The following DNAJC5G variants were observed in gnomAD, a reference collection of about 807,000 sequenced individuals.
The protein encoded by DNAJC5G is dnaJ homolog subfamily C member 5G.
In DNAJC5G, 13 loss-of-function variants were observed where a neutral mutation model predicts 19.1. The observed-to-expected ratio is 0.68, with a 90% CI of 0.44 to 1.08. The LOEUF (loss-of-function observed/expected upper bound fraction) is 1.08. Among genes scored for constraint, DNAJC5G ranks in the 50% least tolerant of loss-of-function variants. The probability of loss-of-function intolerance (pLI) is 0.00; values close to 1 mark genes in which losing one functional copy is unlikely to be tolerated. For missense variants in DNAJC5G, 245 were observed against 230.4 expected (o/e 1.06, Z -0.41); for synonymous variants, 81 against 84.4 (o/e 0.96, Z 0.22).
chr2:27,279,911 A>C (rs1678289339), intron 5 of DNAJC5G, among the ~76,000 whole-genome samples: 1 of 151,624 alleles, frequency 6.6e-6, no homozygotes, highest in African/African-American at 2.4e-5. Flanking sequence ...TGACAGAGTG[A>C]GACCCTGTAT....
Position 27,280,568 on chromosome 2 carries a change from G to A in DNAJC5G, c.*158G>A, listed in dbSNP as rs1223082372. 9.2e-6 allele frequency: 2 copies of A among 216,974 alleles called. No homozygotes were observed. The highest frequency in any genetic ancestry group is 1.9e-4 in the East Asian group (2 of 10,424). The allele number at this position is 216,974 out of a possible 1,614,324, so 13.4% of individuals were successfully genotyped here. On this transcript the variant is annotated 3_prime_UTR_variant, in exon 7 of 7. Transcript: ENST00000296097. Reference sequence around the variant, plus strand: ...TCTCAAGAATCTCTTCAGAAGCACTGATGACGTTGATCCCAGTAAGGACAT... The same window carrying A: ...TCTCAAGAATCTCTTCAGAAGCACTAATGACGTTGATCCCAGTAAGGACAT...
Position 27,278,118 on chromosome 2 carries a change from T to A in DNAJC5G, c.376-70T>A. The A allele has an allele frequency of 5.6e-6, 9 of 1,610,756 alleles. No homozygotes were observed. In the South Asian group the frequency reaches 9.9e-5, roughly 18 times the overall value. On this transcript the variant is annotated intron_variant, in intron 4 of 6. Coordinates refer to ENST00000296097, the MANE Select transcript of DNAJC5G (RefSeq NM_173650.3). ...TCTCATTTTCTGGGTGCCAGGAGGA[T>A]TGAGGGAGGGAAGCTTGAGCAGTCA...
Position 27,278,182 on chromosome 2 carries a change from T to C in DNAJC5G, c.376-6T>C. ...TGGACTGAGGCCATTCTCGCCTACC[T>C]TTTAGACACTTGTCATCCTGTGTAC... On this transcript the variant is annotated splice_region_variant and splice_polypyrimidine_tract_variant and intron_variant, in intron 4 of 6. Coordinates refer to ENST00000296097, the MANE Select transcript of DNAJC5G (RefSeq NM_173650.3). 1 of 1,614,154 alleles carries C rather than the reference T, an allele frequency of 6.2e-7. No homozygotes were observed. The highest frequency in any genetic ancestry group is 8.5e-7 in the Non-Finnish European group (1 of 1,180,020).
rs1180058010 is a variant in DNAJC5G, at chr2:27,278,683, CAAAAAAAAAAAA to C, written c.520+365_520+376del. ...TGGGAGACAGAGCAAGACTCCATCT[CAAAAAAAAAAAA>C]AAAAAAAAAAAAAGAAAAGAAAAGA... On this transcript the variant is annotated intron_variant, in intron 5 of 6. Transcript: ENST00000296097. Among the ~76,000 whole-genome samples, 156 of 26,744 alleles carry C rather than the reference CAAAAAAAAAAAA, an allele frequency of 5.8e-3. 3 individuals carry two copies. Among genetic ancestry groups the C allele is most frequent in the Admixed American group, 0.047 (104 of 2,236 alleles). The allele number at this position is 26,744 out of a possible 152,430, so 17.5% of individuals were successfully genotyped here.
intron 3 of DNAJC5G, 141 bp from the exon 4 acceptor site, chr2:27,277,613 A>C: frequency 8.8e-7 from 1 of 1,137,154 alleles, no homozygotes; most frequent in Non-Finnish European, 1.3e-6. Context: ...GCCAAATGGC[A>C]CCATCACCCT....
At chr2:27,279,632 C>G (rs1306062352) in intron 5 of DNAJC5G, among the ~76,000 whole-genome samples, 2 of 151,900 alleles carry the variant, frequency 1.3e-5, no homozygotes, top group Non-Finnish European at 2.9e-5. Flanking sequence ...AAGGAAAGGG[C>G]CAGTTGCAGT....
chr2:27,276,467 A>C (rs1412325951), intron 2 of DNAJC5G, 80 bp downstream of exon 2: 1 of 387,100 alleles, frequency 2.6e-6, no homozygotes, highest in East Asian at 5.2e-5. Context: ...AGGATGTGGG[A>C]TATCTAGAGG....
Position 27,276,712 on chromosome 2 carries a change from C to G in DNAJC5G, c.-3-14C>G. On this transcript the variant is annotated splice_polypyrimidine_tract_variant and intron_variant, in intron 2 of 6. Transcript: ENST00000296097. The stretch of plus-strand genomic sequence containing the variant: ...GTAGAAGTTCTCACAGATGCTGCTT[C>G]TCCTCTGGCTCAGATCATGTCTACT... The G allele has an allele frequency of 6.2e-7, 1 of 1,609,302 alleles. No homozygotes were observed. Among genetic ancestry groups the G allele is most frequent in the Non-Finnish European group, 8.5e-7 (1 of 1,178,386 alleles).
At chr2:27,279,431 A>C (rs1678268685) in intron 5 of DNAJC5G, among the ~76,000 whole-genome samples, 1 of 152,066 alleles carries the variant, frequency 6.6e-6, no homozygotes, top group Admixed American at 6.6e-5. Flanking sequence ...CAGCCTCCTG[A>C]GTAGCTGGGA....
chr2:27,278,273 C>T lies in DNAJC5G; in HGVS notation c.461C>T (p.Pro154Leu). ...TGCTGTGGAGCACTTAAACCACCACCTGAGCAGGATAGTGGGAGAAAATAT... is the reference window on the plus strand; with the variant it reads ...TGCTGTGGAGCACTTAAACCACCACTTGAGCAGGATAGTGGGAGAAAATAT... The part of the protein sequence containing the change: ...CFCCGALKPP[P>L]EQDSGRKYQQ... The change falls in exon 5 of 7, where the codon CCT (proline) becomes CTT (leucine). Residue 154 changes from proline to leucine, a missense_variant. Coordinates refer to ENST00000296097, the MANE Select transcript of DNAJC5G (RefSeq NM_173650.3). The T allele has an allele frequency of 1.2e-6, 2 of 1,614,182 alleles. No homozygotes were observed. The highest frequency in any genetic ancestry group is 1.7e-6 in the Non-Finnish European group (2 of 1,180,034).
At chr2:27,278,142 C>T (rs1002394264) in intron 4 of DNAJC5G, 46 bp from the exon 5 acceptor site, 2 of 1,613,578 alleles carry the variant, frequency 1.2e-6, no homozygotes, top group African/African-American at 2.7e-5. Flanking sequence ...CTTGAGCAGT[C>T]ATATAGAAAA....
chr2:27,276,408 A>T (rs1678075960), intron 2 of DNAJC5G, 21 bp downstream of exon 2: 1 of 222,860 alleles, frequency 4.5e-6, no homozygotes, highest in Non-Finnish European at 8.9e-6. Context: ...CTCTAGACAA[A>T]ATCAGGCTCT....
intron 5 of DNAJC5G, 144 bp from the exon 6 acceptor site, chr2:27,280,022 A>C: frequency 1.5e-6 from 1 of 687,346 alleles, no homozygotes; most frequent in Middle Eastern, 3.3e-4. Context: ...CCCCCAAATG[A>C]ACTTTTATAA....
Position 27,276,175 on chromosome 2 carries a change from C to T in DNAJC5G, c.-216C>T, listed in dbSNP as rs914794648. The T allele has an allele frequency of 6.6e-6, 1 of 152,012 alleles. No homozygotes were observed. The highest frequency in any genetic ancestry group is 1.5e-5 in the Non-Finnish European group (1 of 68,160). 9.4% of individuals were successfully genotyped at this position (152,012 alleles called of 1,614,324 possible). A position where few individuals can be genotyped will look rare whatever the true frequency, so the allele number is the denominator to read the frequency against. ...TCGGGAGGCTGAGGCAGGAAAATCG[C>T]TTGCACCCAGGAGGTGGAGGTTGCA... is the stretch of plus-strand genomic sequence containing the variant. On this transcript the variant is annotated 5_prime_UTR_variant, in exon 2 of 7. Transcript: ENST00000296097.
intron 5 of DNAJC5G, among the ~76,000 whole-genome samples, chr2:27,278,946 C>T (rs1429920646): frequency 2.1e-5 from 3 of 144,328 alleles, no homozygotes; most frequent in Non-Finnish European, 4.5e-5. Flanking sequence ...CGGAAGTTTC[C>T]GTGAGCCAAG....
Position 27,278,200 on chromosome 2 carries a change from C to G in DNAJC5G, c.388C>G (p.Leu130Val), listed in dbSNP as rs1349978800. Residue 130 changes from leucine to valine, a missense_variant, in exon 5 of 7, where the codon CTG becomes GTG. By Grantham distance (32) the Leu-to-Val change is conservative. Transcript: ENST00000296097. Reference sequence around the variant, plus strand: ...GCCTACCTTTTAGACACTTGTCATCCTGTGTACTCTGCTCACTTGTTGCTG... The same window carrying G: ...GCCTACCTTTTAGACACTTGTCATCGTGTGTACTCTGCTCACTTGTTGCTG... ...NSCWFKTLVILCTLLTCCCFC... is the reference protein window; with the variant it reads ...NSCWFKTLVIVCTLLTCCCFC... The G allele has an allele frequency of 1.2e-6, 2 of 1,614,082 alleles. No homozygotes were observed. Among genetic ancestry groups the G allele is most frequent in the African/African-American group, 2.7e-5 (2 of 74,936 alleles).
chr2:27,278,598 C>T (rs181224667), intron 5 of DNAJC5G, among the ~76,000 whole-genome samples: 7 of 146,508 alleles, frequency 4.8e-5, no homozygotes, highest in Non-Finnish European at 8.9e-5. Flanking sequence ...GCAGAAGAAT[C>T]GCTTGAACCC....
Position 27,277,894 on chromosome 2 carries a change from T to C in DNAJC5G, c.254T>C (p.Leu85Pro), listed in dbSNP as rs1445231892. ...FKEINAAHAI[L>P]SDSKKRKIYD... The stretch of plus-strand genomic sequence containing the variant: ...GAGATCAACGCAGCTCATGCCATAC[T>C]GAGCGACTCTAAGAAGCGGAAAATT... Residue 85 changes from leucine (L) to proline (P), a missense_variant, in exon 4 of 7, where the codon CTG becomes CCG. Coordinates refer to ENST00000296097, the MANE Select transcript of DNAJC5G (RefSeq NM_173650.3). 1 of 1,614,224 alleles carries C rather than the reference T, an allele frequency of 6.2e-7. No individual in the cohort carries two copies. Among genetic ancestry groups the C allele is most frequent in the East Asian group, 2.2e-5 (1 of 44,878 alleles).
Position 27,279,228 on chromosome 2 carries a change from A to G in DNAJC5G, c.520+896A>G, listed in dbSNP as rs562611619. 3.3e-5 allele frequency among the ~76,000 whole-genome samples: 5 copies of G among 152,138 alleles called. No homozygotes were observed. The South Asian group carries it at 1.0e-3, about 32-fold the overall frequency. On this transcript the variant is annotated intron_variant, in intron 5 of 6. Coordinates refer to ENST00000296097, the MANE Select transcript of DNAJC5G (RefSeq NM_173650.3). ...GTTAAGCTAAGGAATGGGGTGGGAGAGTATGTCTAGAGAGGACAGTTAGGT... is the reference window on the plus strand; with the variant it reads ...GTTAAGCTAAGGAATGGGGTGGGAGGGTATGTCTAGAGAGGACAGTTAGGT...
Sources: allele counts gnomAD v4.1 joint callset (sites outside exome capture counted in the v4.1 genomes callset), GRCh38; gene constraint gnomAD v4.1.1; transcripts MANE v1.5; gene names NCBI Gene and HGNC (gene_info 2026-07-23, HGNC 2026-07-21).